SUDS3: variants seen among roughly 807,000 people sequenced by gnomAD.
SUDS3 encodes the protein sin3 histone deacetylase corepressor complex component SDS3.
Under a neutral mutation model 53.5 loss-of-function variants are expected in SUDS3, and 23 were observed. The observed-to-expected ratio is 0.43, with a 90% CI of 0.31 to 0.61. The LOEUF (loss-of-function observed/expected upper bound fraction) is 0.61, where lower values mean the gene tolerates loss of function less well. SUDS3 is among the 20% of genes least tolerant of loss of function. The pLI is 0.10. For synonymous variants in SUDS3, 150 were observed against 148.5 expected (o/e 1.01, Z -0.08); for missense variants, 291 against 405.9 (o/e 0.72, Z 2.43).
chr12:118,380,428 A>G (rs1347561607), intron 2 of SUDS3, among the ~76,000 whole-genome samples, 197 bp downstream of exon 2: 2 of 152,212 alleles, frequency 1.3e-5, no homozygotes, highest in Non-Finnish European at 2.9e-5. Flanking sequence ...GCTGGTAAGT[A>G]TATTGCAAAT....
At chr12:118,395,350 T>C (rs997638297) in intron 6 of SUDS3, among the ~76,000 whole-genome samples, 3 of 150,076 alleles carry the variant, frequency 2.0e-5, no homozygotes, top group African/African-American at 7.4e-5. Flanking sequence ...CTCAACCTCC[T>C]GAGTAGCTGG....
At chr12:118,413,674 A>G (rs2046377137) in intron 11 of SUDS3, among the ~76,000 whole-genome samples, 1 of 152,154 alleles carries the variant, frequency 6.6e-6, no homozygotes, top group South Asian at 2.1e-4. Flanking sequence ...CCCTGTTGCA[A>G]GAGTTCATTC....
rs188979508 is a variant in SUDS3, at chr12:118,385,037, A to T, written c.268+970A>T. ...GTGTGCACACTGCAAGGTCCTGGGGACAGTTAGCTGTGGCAGTGAGCTCTT... is the reference window on the plus strand; with the variant it reads ...GTGTGCACACTGCAAGGTCCTGGGGTCAGTTAGCTGTGGCAGTGAGCTCTT... On this transcript the variant is annotated intron_variant, in intron 3 of 11. Coordinates refer to ENST00000543473, the MANE Select transcript of SUDS3 (RefSeq NM_022491.3). 1.2e-4 allele frequency among the ~76,000 whole-genome samples: 18 copies of T among 152,206 alleles called. No individual in the cohort carries two copies. In the East Asian group the frequency reaches 3.5e-3, roughly 29 times the overall value.
Position 118,385,606 on chromosome 12 carries a change from C to T in SUDS3, c.269-508C>T, listed in dbSNP as rs1368418190. 4.6e-4 allele frequency among the ~76,000 whole-genome samples: 70 copies of T among 152,200 alleles called. 1 individual carries two copies. Among genetic ancestry groups the T allele is most frequent in the Admixed American group, 4.6e-3 (70 of 15,278 alleles). On this transcript the variant is annotated intron_variant, in intron 3 of 11. Transcript: ENST00000543473. ...CTATACCTGAATTGTTTAATGCTGT[C>T]ACTAGCCACATGTGGCTGTTTAAAT...
In SUDS3 at chr12:118,403,530, A is replaced by G. The variant is rs1306069730; in HGVS notation, c.803+13A>G. The G allele has an allele frequency of 6.2e-7, 1 of 1,603,764 alleles. No homozygotes were observed. The highest frequency in any genetic ancestry group is 1.1e-5 in the South Asian group (1 of 89,326). On this transcript the variant is annotated intron_variant, in intron 10 of 11. Coordinates refer to ENST00000543473, the MANE Select transcript of SUDS3 (RefSeq NM_022491.3). ...ATGACAAAAGATGGTATGTTATGGGAAAACCTGGACTAGTAAGAGTCTCAT... is the reference window on the plus strand; with the variant it reads ...ATGACAAAAGATGGTATGTTATGGGGAAACCTGGACTAGTAAGAGTCTCAT...
At chr12:118,380,265 T>A in intron 2 of SUDS3, 34 bp downstream of exon 2, 3 of 1,547,028 alleles carry the variant, frequency 1.9e-6, no homozygotes, top group Non-Finnish European at 2.6e-6. Flanking sequence ...TTTTGGAACA[T>A]AGAATTGACA....
chr12:118,401,490 A>G (rs959548311), intron 7 of SUDS3, among the ~76,000 whole-genome samples: 1 of 152,218 alleles, frequency 6.6e-6, no homozygotes, highest in East Asian at 1.9e-4. Context: ...TTCTTATTTT[A>G]CTGTTTCCTT....
intron 9 of SUDS3, chr12:118,402,213 T>C (rs1254796687): frequency 1.8e-5 from 10 of 560,180 alleles, no homozygotes; most frequent in Non-Finnish European, 2.8e-5. Context: ...GTTGTTTTTA[T>C]TTTTTTCTTA....
Position 118,414,491 on chromosome 12 carries a change from G to A in SUDS3, c.*58G>A. On this transcript the variant is annotated 3_prime_UTR_variant, in exon 12 of 12. Transcript: ENST00000543473. ...CTGGAGTGGGTTTTATTTTTGTTTT[G>A]TTTCGTTTTCTCCTTAATAGAAAAA... The A allele has an allele frequency of 2.2e-6, 3 of 1,371,386 alleles. No homozygotes were observed. The highest frequency in any genetic ancestry group is 1.5e-5 in the African/African-American group (1 of 67,410). The allele number at this position is 1,371,386 out of a possible 1,614,324, so 85.0% of individuals were successfully genotyped here. A position where few individuals can be genotyped will look rare whatever the true frequency, so the allele number is the denominator to read the frequency against.
In SUDS3 at chr12:118,376,560, C is replaced by T. The variant is rs2045996236; in HGVS notation, c.-132C>T. ...CGCGGGGGGCGGAGCTCGGCGGAGA[C>T]GGGGAAGGGGTCGCCGTGGCTGCCG... On this transcript the variant is annotated 5_prime_UTR_variant, in exon 1 of 12. It adds an upstream start codon to the 5' untranslated region. Coordinates refer to ENST00000543473, the MANE Select transcript of SUDS3 (RefSeq NM_022491.3). 1.5e-5 allele frequency: 17 copies of T among 1,170,206 alleles called. No individual in the cohort carries two copies. The highest frequency in any genetic ancestry group is 1.7e-5 in the Non-Finnish European group (16 of 926,712). 72.5% of individuals were successfully genotyped at this position (1,170,206 alleles called of 1,614,324 possible).
At chr12:118,413,778 C>T (rs1046831989) in intron 11 of SUDS3, among the ~76,000 whole-genome samples, 4 of 152,160 alleles carry the variant, frequency 2.6e-5, no homozygotes, top group South Asian at 2.1e-4. Flanking sequence ...GAAGGACTCT[C>T]GGAAGTGCTT....
Position 118,414,677 on chromosome 12 carries a change from G to A in SUDS3, c.*244G>A, listed in dbSNP as rs1013097078. 6.3e-5 allele frequency: 24 copies of A among 378,602 alleles called. No homozygotes were observed. The highest frequency in any genetic ancestry group is 3.1e-4 in the African/African-American group (15 of 47,942). 23.5% of individuals were successfully genotyped at this position (378,602 alleles called of 1,614,324 possible). ...CCATGAGACTGTTTTACTTTCAGGCGTATTGGGGGGTTTGATTTACTTTCC... is the reference window on the plus strand; with the variant it reads ...CCATGAGACTGTTTTACTTTCAGGCATATTGGGGGGTTTGATTTACTTTCC... On this transcript the variant is annotated 3_prime_UTR_variant, in exon 12 of 12. Coordinates refer to ENST00000543473, the MANE Select transcript of SUDS3 (RefSeq NM_022491.3).
intron 10 of SUDS3, chr12:118,403,922 G>A: frequency 5.2e-6 from 1 of 192,822 alleles, no homozygotes; most frequent in Non-Finnish European, 1.1e-5. Flanking sequence ...GGATGATCAT[G>A]TTAATTAAGA....
At chr12:118,385,020 A>G (rs2046101608) in intron 3 of SUDS3, among the ~76,000 whole-genome samples, 1 of 152,144 alleles carries the variant, frequency 6.6e-6, no homozygotes, top group Non-Finnish European at 1.5e-5. Context: ...CAGTGTGCAC[A>G]CTGCAAGGTC....
chr12:118,389,317 T>G (rs962336359), intron 4 of SUDS3, among the ~76,000 whole-genome samples: 1 of 152,132 alleles, frequency 6.6e-6, no homozygotes, highest in African/African-American at 2.4e-5. Flanking sequence ...AGACCACTGC[T>G]TTAAAACATC....
intron 10 of SUDS3, among the ~76,000 whole-genome samples, chr12:118,408,076 T>G (rs1344785385): frequency 6.6e-6 from 1 of 152,154 alleles, no homozygotes; most frequent in Non-Finnish European, 1.5e-5. Flanking sequence ...AATTTTTGTA[T>G]TTTTAGTACA....
At chr12:118,387,852 G>A (rs1266111997) in intron 4 of SUDS3, among the ~76,000 whole-genome samples, 1 of 152,028 alleles carries the variant, frequency 6.6e-6, no homozygotes, top group Non-Finnish European at 1.5e-5. Context: ...CAACGTGCCC[G>A]GCCCTCATGT....
chr12:118,394,008 G>A (rs928063167), intron 6 of SUDS3, among the ~76,000 whole-genome samples: 10 of 152,056 alleles, frequency 6.6e-5, no homozygotes, highest in African/African-American at 2.4e-4. Flanking sequence ...CCCAGGGGTC[G>A]CTGATCCTGC....
intron 5 of SUDS3, 63 bp from the exon 6 acceptor site, chr12:118,391,063 T>G: frequency 6.3e-7 from 1 of 1,590,744 alleles, no homozygotes; most frequent in Non-Finnish European, 8.6e-7. Context: ...AGGGCTAGAC[T>G]TTGAGTTGGA....
Sources: gnomAD v4.1 joint callset for allele counts (sites outside exome capture counted in the v4.1 genomes callset) on GRCh38, gnomAD v4.1.1 for gene constraint, MANE v1.5 for transcripts, NCBI Gene and HGNC (gene_info 2026-07-23, HGNC 2026-07-21) for gene names.